The following DLC1 variants were observed in gnomAD, a reference collection of about 807,000 sequenced individuals.
The protein encoded by DLC1 is rho GTPase-activating protein 7.
DLC1 carries 54 observed loss-of-function variants against 140.3 expected under a neutral mutation model. The ratio of observed to expected loss-of-function variants is 0.38; its 90% CI spans 0.31 to 0.48. The LOEUF is 0.48. Ranked by LOEUF, DLC1 falls within the 20% of genes least tolerant of loss-of-function variation. The probability of loss-of-function intolerance (pLI) is 0.96; values close to 1 mark genes in which losing one functional copy is unlikely to be tolerated. For synonymous variants in DLC1, 986 were observed against 728.1 expected (o/e 1.35, Z -5.70); for missense variants, 2,536 against 1,907.0 (o/e 1.33, Z -6.14).
chr8:13,507,135 A>T (rs1248237848), intron 1 of DLC1, among the ~76,000 whole-genome samples: 1 of 152,184 alleles, frequency 6.6e-6, no homozygotes, highest in Non-Finnish European at 1.5e-5. Context: ...AGCCAAAATG[A>T]AACCCATTTT....
chr8:13,603,389 T>A (rs1805952141), intron 1 of DLC1, among the ~76,000 whole-genome samples: 2 of 151,726 alleles, frequency 1.3e-5, no homozygotes, highest in Non-Finnish European at 2.9e-5. Flanking sequence ...AGTCACTGAT[T>A]TTTTACTTTA....
chr8:13,310,941 A>T (rs921631998), intron 4 of DLC1, among the ~76,000 whole-genome samples: 6 of 152,320 alleles, frequency 3.9e-5, no homozygotes, highest in Non-Finnish European at 8.8e-5. Context: ...TATCATCTAT[A>T]AATTATTTAC....
chr8:13,131,878 AG>A (rs1391952642), intron 5 of DLC1, among the ~76,000 whole-genome samples: 1 of 152,260 alleles, frequency 6.6e-6, no homozygotes, highest in Non-Finnish European at 1.5e-5. Flanking sequence ...TCCTCGCCCC[AG>A]GGGCTGTGCG....
chr8:13,579,950 G>A (rs932330694), intron 1 of DLC1, among the ~76,000 whole-genome samples: 1 of 151,938 alleles, frequency 6.6e-6, no homozygotes, highest in African/African-American at 2.4e-5. Flanking sequence ...CAGGATAGGA[G>A]TTATTCCTCT....
intron 2 of DLC1, among the ~76,000 whole-genome samples, chr8:13,470,108 G>C (rs62494066): frequency 0.32 from 47,853 of 151,640 alleles, 7,971 homozygotes; most frequent in Middle Eastern, 0.42. Flanking sequence ...ACTTCCTCTT[G>C]TGGAATATTT....
chr8:13,538,967 C>T (rs12544254), intron 1 of DLC1, among the ~76,000 whole-genome samples: 40,970 of 151,936 alleles, frequency 0.27, 5,730 homozygotes, highest in Non-Finnish European at 0.28. Flanking sequence ...TCTTAAAATA[C>T]GTGGCAGATT....
chr8:13,464,782 ATATATATATT>A (rs1326157474), intron 2 of DLC1, among the ~76,000 whole-genome samples: 5 of 80,082 alleles, frequency 6.2e-5, no homozygotes, highest in African/African-American at 4.3e-5. Context: ...ATATATATAT[ATATATATATT>A]TATGCTTAAA....
At chr8:13,158,027 A>G (rs1824389307) in intron 5 of DLC1, among the ~76,000 whole-genome samples, 1 of 152,252 alleles carries the variant, frequency 6.6e-6, no homozygotes, top group Non-Finnish European at 1.5e-5. Flanking sequence ...TGTGCATACA[A>G]ACCAGCTGGG....
chr8:13,087,715 C>T (rs868771197), intron 16 of DLC1, among the ~76,000 whole-genome samples: 8 of 152,324 alleles, frequency 5.3e-5, no homozygotes, highest in Non-Finnish European at 8.8e-5. Context: ...CCTAAAGGAG[C>T]GCTGGCTGTT....
chr8:13,462,815 G>A (rs1235326012), intron 2 of DLC1, among the ~76,000 whole-genome samples: 13 of 152,136 alleles, frequency 8.5e-5, no homozygotes, highest in Admixed American at 8.5e-4. Context: ...TGGAATCAAG[G>A]TAACTACAAG....
At chr8:13,142,665 TACAC>T (rs1363646745) in intron 5 of DLC1, among the ~76,000 whole-genome samples, 1 of 152,196 alleles carries the variant, frequency 6.6e-6, no homozygotes, top group African/African-American at 2.4e-5. Context: ...AGAGGGTTAT[TACAC>T]AACACTAAAA....
chr8:13,191,918 A>C (rs1034402795), intron 5 of DLC1, among the ~76,000 whole-genome samples: 6 of 142,304 alleles, frequency 4.2e-5, no homozygotes, highest in Non-Finnish European at 6.1e-5. Context: ...CTTTAAGGGG[A>C]GTGGCCTGAT....
chr8:13,101,849 C>T (rs376104615), intron 8 of DLC1, among the ~76,000 whole-genome samples: 3 of 152,316 alleles, frequency 2.0e-5, no homozygotes, highest in African/African-American at 7.2e-5. Context: ...TAAGCTGTCA[C>T]ACGGACTATT....
chr8:13,568,007 C>G, intron 1 of DLC1: 1 of 1,459,584 alleles, frequency 6.9e-7, no homozygotes, highest in Non-Finnish European at 9.1e-7. Flanking sequence ...TCTACAGGCA[C>G]TTGGGAAACT....
chr8:13,591,408 C>T lies in DLC1; in HGVS notation c.-126+13129G>A, dbSNP rs141214482. On this transcript the variant is annotated intron_variant, in intron 1 of 1. Transcript: ENST00000631382. Reference sequence around the variant, plus strand: ...TCACGAGATCTGATGGTTTTACAAGCATCTGGCATTTCCCCTGCTGGCACG... The same window carrying T: ...TCACGAGATCTGATGGTTTTACAAGTATCTGGCATTTCCCCTGCTGGCACG... Among the ~76,000 whole-genome samples, 65 of 152,170 alleles carry T rather than the reference C, an allele frequency of 4.3e-4. No homozygotes were observed. In the East Asian group the frequency reaches 0.012, roughly 28 times the overall value.
At chr8:13,553,658 A>G (rs1438867713) in intron 1 of DLC1, among the ~76,000 whole-genome samples, 1 of 151,518 alleles carries the variant, frequency 6.6e-6, no homozygotes, top group African/African-American at 2.4e-5. Context: ...CAGCCTCTCC[A>G]TTTTTCTGTC....
chr8:13,179,804 G>C (rs777880025), intron 5 of DLC1, among the ~76,000 whole-genome samples: 1 of 151,972 alleles, frequency 6.6e-6, no homozygotes. Flanking sequence ...TAAAGAAATA[G>C]ATATTAAACT....
At position 13,269,701 on chromosome 8, in the gene DLC1, CAAAAAAAAAAA is replaced by C. The variant is rs57030004; in HGVS notation, c.1348+35557_1348+35567del. Among the ~76,000 whole-genome samples, 288 of 99,464 alleles carry C rather than the reference CAAAAAAAAAAA, an allele frequency of 2.9e-3. 1 individual carries two copies. The highest frequency in any genetic ancestry group is 9.0e-3 in the African/African-American group (219 of 24,334). 65.3% of individuals were successfully genotyped at this position (99,464 alleles called of 152,430 possible). A position where few individuals can be genotyped will look rare whatever the true frequency, so the allele number is the denominator to read the frequency against. ...CCTGGGAAACAAAGCAAAACTCTGTCAAAAAAAAAAAAAAAAAAAAAAAAGACACATTATAA... is the reference window on the plus strand; with the variant it reads ...CCTGGGAAACAAAGCAAAACTCTGTCAAAAAAAAAAAAAGACACATTATAA... On this transcript the variant is annotated intron_variant, in intron 5 of 17. Transcript: ENST00000276297.
intron 5 of DLC1, among the ~76,000 whole-genome samples, chr8:13,217,281 G>T (rs1188276): frequency 0.24 from 36,483 of 151,976 alleles, 6,984 homozygotes; most frequent in African/African-American, 0.53. Flanking sequence ...ACCAAATCAC[G>T]TTTGTGACTT....
Sources: gnomAD v4.1 joint callset for allele counts (sites outside exome capture counted in the v4.1 genomes callset) on GRCh38, gnomAD v4.1.1 for gene constraint, MANE v1.5 for transcripts, NCBI Gene and HGNC (gene_info 2026-07-23, HGNC 2026-07-21) for gene names.